The following ARSF variants were observed in gnomAD, a reference collection of about 807,000 sequenced individuals.
The protein encoded by ARSF is arylsulfatase F.
Under a neutral mutation model 35.4 loss-of-function variants are expected in ARSF, and 33 were observed. The observed-to-expected ratio is 0.93, with a 90% CI of 0.71 to 1.25. The LOEUF is 1.25. ARSF is among the 50% of genes most tolerant of loss of function. ARSF has a pLI of 0.00. For missense variants in ARSF, 501 were observed against 480.2 expected, an observed-to-expected ratio of 1.04 and a Z score of -0.40; for synonymous variants, 222 against 193.1, an observed-to-expected ratio of 1.15 and a Z score of -1.24.
At chrX:3,085,042 A>C (rs1457175700) in intron 6 of ARSF, among the ~76,000 whole-genome samples, 1 of 110,738 alleles carries the variant, frequency 9.0e-6, no homozygotes, top group Non-Finnish European at 1.9e-5. Context: ...ATAGGGTTAG[A>C]TAAAAATATG....
At chrX:3,055,342 CAAAA>C (rs770014108) in intron 1 of ARSF, among the ~76,000 whole-genome samples, 1 of 32,462 alleles carries the variant, frequency 3.1e-5, no homozygotes, top group African/African-American at 1.2e-4. Context: ...AACTCCATTT[CAAAA>C]AAAAAAAAAA....
chrX:3,056,188 C>A (rs1175480335), intron 1 of ARSF, among the ~76,000 whole-genome samples: 3 of 109,379 alleles, frequency 2.7e-5, no homozygotes, highest in African/African-American at 1.0e-4. Flanking sequence ...CTCAAACTCC[C>A]AGGCTCAATC....
chrX:3,042,852 A>C (rs1252558004), intron 1 of ARSF, among the ~76,000 whole-genome samples: 2 of 111,159 alleles, frequency 1.8e-5, no homozygotes, highest in African/African-American at 6.5e-5. Context: ...GGAACCAAGA[A>C]ACAAGAGATG....
chrX:3,072,146 T>C lies in ARSF; in HGVS notation c.132T>C (p.Asp44=). ...TGGTTGATGACCTGGGTATTGGAGA[T>C]CTGGGCTGCTACGGCAATGACACCA... ...LIMVDDLGIG[D]LGCYGNDTMR... Residue 44 remains aspartate, a synonymous_variant, in exon 3 of 11, where the codon GAT becomes GAC. Transcript: ENST00000381127. The C allele has an allele frequency of 8.3e-7, 1 of 1,211,189 alleles. No homozygotes were observed. Among genetic ancestry groups the C allele is most frequent in the Non-Finnish European group, 1.1e-6 (1 of 895,280 alleles).
chrX:3,056,638 G>A (rs139916123), intron 1 of ARSF, among the ~76,000 whole-genome samples: 45 of 110,987 alleles, frequency 4.1e-4, no homozygotes, highest in African/African-American at 1.3e-3. Context: ...ATATTGGATC[G>A]TATCAAAACA....
intron 1 of ARSF, among the ~76,000 whole-genome samples, chrX:3,048,914 G>A (rs764426257): frequency 1.8e-5 from 2 of 112,459 alleles, no homozygotes; most frequent in Non-Finnish European, 3.8e-5. Flanking sequence ...AGCACCCCAG[G>A]TGACATTACT....
intron 7 of ARSF, among the ~76,000 whole-genome samples, chrX:3,096,046 TATA>T (rs1224591789): frequency 9.2e-6 from 1 of 108,544 alleles, no homozygotes; most frequent in Non-Finnish European, 1.9e-5. Context: ...TGATATATAA[TATA>T]ATAAATACAT....
chrX:3,080,401 G>A (rs577296158), intron 4 of ARSF, among the ~76,000 whole-genome samples: 1 of 109,145 alleles, frequency 9.2e-6, no homozygotes, highest in Admixed American at 9.8e-5. Flanking sequence ...TTGAACCTGG[G>A]AGGTGGAGGT....
At chrX:3,078,486 G>A (rs934714830) in intron 4 of ARSF, among the ~76,000 whole-genome samples, 6 of 111,133 alleles carry the variant, frequency 5.4e-5, no homozygotes, top group African/African-American at 9.8e-5. Context: ...CCAACCTGGT[G>A]ACTTTTTTTG....
chrX:3,057,954 C>T (rs773103887), intron 1 of ARSF, among the ~76,000 whole-genome samples: 5 of 112,019 alleles, frequency 4.5e-5, no homozygotes, highest in Non-Finnish European at 9.4e-5. Flanking sequence ...CCGACAACCA[C>T]TCAATGGACA....
intron 1 of ARSF, among the ~76,000 whole-genome samples, chrX:3,067,629 C>T (rs2090074329): frequency 9.1e-6 from 1 of 110,331 alleles, no homozygotes; most frequent in Admixed American, 9.7e-5. Context: ...GGCCAAAAGA[C>T]GGGCAGAGCA....
intron 10 of ARSF, 140 bp downstream of exon 10, chrX:3,110,392 C>T (rs1488062105): frequency 1.5e-6 from 1 of 678,048 alleles, no homozygotes; most frequent in Non-Finnish European, 2.0e-6. Flanking sequence ...GGAGAAGTTT[C>T]TCAGAATTGC....
chrX:3,057,317 C>CT (rs1429660656), intron 1 of ARSF, among the ~76,000 whole-genome samples: 1 of 112,015 alleles, frequency 8.9e-6, no homozygotes, highest in African/African-American at 3.2e-5. Flanking sequence ...CCCAGAAACT[C>CT]TGACATTACT....
intron 1 of ARSF, among the ~76,000 whole-genome samples, chrX:3,048,417 G>C (rs149250862): frequency 1.8e-5 from 2 of 112,346 alleles, no homozygotes; most frequent in South Asian, 3.7e-4. Flanking sequence ...TGAGACAAAT[G>C]CTTATCTGAT....
chrX:3,047,443 GTGC>G (rs1179330350), intron 1 of ARSF, among the ~76,000 whole-genome samples: 1 of 106,221 alleles, frequency 9.4e-6, no homozygotes, highest in Non-Finnish European at 1.9e-5. Flanking sequence ...GCCTCCCAAA[GTGC>G]TGGGATTACA....
At chrX:3,100,763 A>C (rs1481576772) in intron 7 of ARSF, among the ~76,000 whole-genome samples, 2 of 110,614 alleles carry the variant, frequency 1.8e-5, no homozygotes, top group East Asian at 5.7e-4. Context: ...TGCCTGGCTA[A>C]TTTTTGTGTT....
chrX:3,107,511 C>T (rs897234390), intron 9 of ARSF, among the ~76,000 whole-genome samples: 33 of 111,268 alleles, frequency 3.0e-4, no homozygotes, highest in African/African-American at 9.7e-4. Context: ...TCTGCATCTG[C>T]GAATTCAATC....
At chrX:3,048,595 G>A (rs888336540) in intron 1 of ARSF, among the ~76,000 whole-genome samples, 1 of 112,224 alleles carries the variant, frequency 8.9e-6, no homozygotes, top group African/African-American at 3.2e-5. Context: ...TTACTGAACT[G>A]AGCCCATGTA....
chrX:3,081,481 C>T lies in ARSF; in HGVS notation c.406+468C>T, dbSNP rs189390619. On this transcript the variant is annotated intron_variant, in intron 5 of 10. Transcript: ENST00000381127. ...CCTCTCAAGTAGCTGGGACTACAGG[C>T]GCGTGCCACCACGACTGGCTAATTT... Among the ~76,000 whole-genome samples, 826 of 110,123 alleles carry T rather than the reference C, an allele frequency of 7.5e-3. 30 individuals carry two copies. Among genetic ancestry groups the T allele is most frequent in the Admixed American group, 0.074 (762 of 10,270 alleles).
Sources: allele counts gnomAD v4.1 joint callset (sites outside exome capture counted in the v4.1 genomes callset), GRCh38; gene constraint gnomAD v4.1.1; transcripts MANE v1.5; gene names NCBI Gene and HGNC (gene_info 2026-07-23, HGNC 2026-07-21).